TXNRD1: variants seen among roughly 807,000 people sequenced by gnomAD.
TXNRD1 encodes the protein thioredoxin reductase 1.
TXNRD1 carries 57 observed loss-of-function variants against 80.3 expected under a neutral mutation model. The observed-to-expected ratio is 0.71, with a 90% CI of 0.57 to 0.89. The LOEUF (loss-of-function observed/expected upper bound fraction) is 0.89. Among genes scored for constraint, TXNRD1 ranks in the 40% least tolerant of loss-of-function variants. The probability of loss-of-function intolerance (pLI) is 0.00; values close to 1 mark genes in which losing one functional copy is unlikely to be tolerated. For synonymous variants in TXNRD1, 291 were observed against 285.2 expected (o/e 1.02, Z -0.20); for missense variants, 730 against 803.0 (o/e 0.91, Z 1.10).
chr12:104,234,952 A>G (rs562598465), intron 1 of TXNRD1, among the ~76,000 whole-genome samples: 11 of 152,302 alleles, frequency 7.2e-5, no homozygotes, highest in African/African-American at 2.4e-4. Context: ...AATGGCTTCT[A>G]TCTCTTATGT....
chr12:104,290,673 TA>T, intron 4 of TXNRD1, among the ~76,000 whole-genome samples: 1 of 132,526 alleles, frequency 7.5e-6, no homozygotes, highest in East Asian at 2.2e-4. Context: ...CACCCTGGCC[TA>T]GGTGACAGTG....
intron 3 of TXNRD1, among the ~76,000 whole-genome samples, chr12:104,278,189 CTTTTTTTT>C (rs202175579): frequency 3.1e-5 from 3 of 98,292 alleles, no homozygotes; most frequent in African/African-American, 4.0e-5. Flanking sequence ...TGATCAAATT[CTTTTTTTT>C]TTTTTTTTTT....
intron 3 of TXNRD1, among the ~76,000 whole-genome samples, chr12:104,262,868 G>A (rs1197705905): frequency 6.6e-6 from 1 of 151,866 alleles, no homozygotes; most frequent in Non-Finnish European, 1.5e-5. Flanking sequence ...TGGTAATGGA[G>A]TGAGTGCCCC....
At chr12:104,228,686 T>G (rs1040981494) in intron 1 of TXNRD1, among the ~76,000 whole-genome samples, 1 of 152,068 alleles carries the variant, frequency 6.6e-6, no homozygotes, top group Non-Finnish European at 1.5e-5. Context: ...CAGTTTAGAG[T>G]GCAACCTTCA....
chr12:104,333,387 T>G (rs1193745643), intron 14 of TXNRD1, among the ~76,000 whole-genome samples: 4 of 152,144 alleles, frequency 2.6e-5, no homozygotes, highest in Non-Finnish European at 5.9e-5. Context: ...TTGAAAAATG[T>G]AAGGGAAAGA....
In TXNRD1 at chr12:104,334,419, G is replaced by A. The variant is rs1205870766; in HGVS notation, c.1746+87G>A. On this transcript the variant is annotated intron_variant, in intron 15 of 16. Coordinates refer to ENST00000525566, the MANE Select transcript of TXNRD1 (RefSeq NM_001093771.3). ...TTTTTTTTAGATGGAGTCTTGCTCT[G>A]TTGCCCAGGCTGGAGTGCAGTGGCG... 4 of 758,242 alleles carry A rather than the reference G, an allele frequency of 5.3e-6. No individual in the cohort carries two copies. In the East Asian group the frequency reaches 1.1e-4, roughly 21 times the overall value. The allele number at this position is 758,242 out of a possible 1,614,324, so 47.0% of individuals were successfully genotyped here.
chr12:104,249,851 C>G (rs538173074), intron 1 of TXNRD1, among the ~76,000 whole-genome samples: 2 of 145,314 alleles, frequency 1.4e-5, no homozygotes, highest in African/African-American at 5.1e-5. Context: ...AAGAGAATGG[C>G]GTGAACCCGG....
intron 13 of TXNRD1, among the ~76,000 whole-genome samples, chr12:104,329,745 A>C (rs962294306): frequency 6.6e-6 from 1 of 152,170 alleles, no homozygotes; most frequent in Non-Finnish European, 1.5e-5. Context: ...GAAGACCTCT[A>C]CAGACCTCAA....
chr12:104,261,100 T>C (rs985481569), intron 3 of TXNRD1, among the ~76,000 whole-genome samples: 1 of 152,200 alleles, frequency 6.6e-6, no homozygotes, highest in African/African-American at 2.4e-5. Flanking sequence ...AAAATAAGCA[T>C]TGGATTATGA....
At chr12:104,346,746 T>C (rs1233944936) in intron 16 of TXNRD1, among the ~76,000 whole-genome samples, 1 of 152,184 alleles carries the variant, frequency 6.6e-6, no homozygotes, top group African/African-American at 2.4e-5. Flanking sequence ...ATAAGAGTGC[T>C]AATTAAAATG....
At chr12:104,323,704 C>T (rs1230618726) in intron 10 of TXNRD1, among the ~76,000 whole-genome samples, 5 of 117,112 alleles carry the variant, frequency 4.3e-5, no homozygotes, top group Non-Finnish European at 9.0e-5. Context: ...CCCTCCCGGA[C>T]GGGGCGGCTG....
At chr12:104,307,206 G>T (rs1482483042) in intron 4 of TXNRD1, among the ~76,000 whole-genome samples, 2 of 152,104 alleles carry the variant, frequency 1.3e-5, no homozygotes, top group East Asian at 3.8e-4. Context: ...ATTTATAGAG[G>T]TTAAGAATCA....
At chr12:104,331,725 TA>T in intron 14 of TXNRD1, 84 bp downstream of exon 14, 1 of 875,758 alleles carries the variant, frequency 1.1e-6, no homozygotes, top group Non-Finnish European at 1.8e-6. Context: ...ACTTAAAAAA[TA>T]GTACAAAGCA....
intron 1 of TXNRD1, among the ~76,000 whole-genome samples, chr12:104,241,193 A>G (rs192902120): frequency 1.0e-3 from 146 of 145,576 alleles, no homozygotes; most frequent in Non-Finnish European, 1.2e-3. Context: ...GCTCACGCCA[A>G]CATGCCTGGC....
At chr12:104,313,488 AATGCT>A (rs2035212675) in intron 6 of TXNRD1, among the ~76,000 whole-genome samples, 171 bp downstream of exon 6, 1 of 152,252 alleles carries the variant, frequency 6.6e-6, no homozygotes, top group African/African-American at 2.4e-5. Flanking sequence ...GATCAGGTTA[AATGCT>A]AAAAATTTAG....
chr12:104,308,163 T>A (rs759537595), intron 4 of TXNRD1, among the ~76,000 whole-genome samples: 3 of 152,076 alleles, frequency 2.0e-5, no homozygotes, highest in Non-Finnish European at 4.4e-5. Context: ...GCCCAGCTAA[T>A]TTTTTATATT....
chr12:104,279,211 C>T (rs1301240498), intron 3 of TXNRD1, among the ~76,000 whole-genome samples: 2 of 152,160 alleles, frequency 1.3e-5, no homozygotes, highest in African/African-American at 2.4e-5. Flanking sequence ...ACAGAAAGTC[C>T]TCTTGGACTG....
chr12:104,233,774 G>T (rs1017094584), intron 1 of TXNRD1, among the ~76,000 whole-genome samples: 1 of 151,974 alleles, frequency 6.6e-6, no homozygotes. Context: ...TGCCTGCCTC[G>T]GCCTCCCAAA....
intron 6 of TXNRD1, among the ~76,000 whole-genome samples, chr12:104,315,225 A>G (rs1356013942): frequency 2.0e-5 from 3 of 152,248 alleles, no homozygotes. Flanking sequence ...TCAAAAATGC[A>G]TTTAATACAC....
Sources: gnomAD v4.1 joint callset for allele counts (sites outside exome capture counted in the v4.1 genomes callset) on GRCh38, gnomAD v4.1.1 for gene constraint, MANE v1.5 for transcripts, NCBI Gene and HGNC (gene_info 2026-07-23, HGNC 2026-07-21) for gene names.